Variants in BCAR3 observed in about 807,000 individuals in gnomAD.
The protein encoded by BCAR3 is BCAR3 adaptor protein, NSP family member.
In BCAR3, 37 loss-of-function variants were observed where a neutral mutation model predicts 80.1. That is an observed-to-expected ratio of 0.46 (90% CI 0.36 to 0.61). The LOEUF (loss-of-function observed/expected upper bound fraction) is 0.61, where lower values mean the gene tolerates loss of function less well. Among genes scored for constraint, BCAR3 ranks in the 20% least tolerant of loss-of-function variants. The pLI is 0.00. For synonymous variants in BCAR3, 389 were observed against 418.9 expected (o/e 0.93, Z 0.87); for missense variants, 978 against 1,068.2 (o/e 0.92, Z 1.18).
intron 1 of BCAR3, among the ~76,000 whole-genome samples, chr1:93,675,301 TAA>T (rs1196909384): frequency 2.6e-5 from 4 of 152,230 alleles, no homozygotes; most frequent in African/African-American, 9.6e-5. Flanking sequence ...AACTGTTAGA[TAA>T]TTAGCTCACA....
intron 2 of BCAR3, among the ~76,000 whole-genome samples, chr1:93,647,176 G>A (rs1470088762): frequency 3.3e-5 from 5 of 152,132 alleles, no homozygotes; most frequent in African/African-American, 4.8e-5. Flanking sequence ...GATTTAAAGA[G>A]GTATTTTTGG....
At chr1:93,656,568 C>A (rs987928149) in intron 2 of BCAR3, among the ~76,000 whole-genome samples, 1 of 149,392 alleles carries the variant, frequency 6.7e-6, no homozygotes, top group Admixed American at 6.7e-5. Context: ...TACCATACAT[C>A]GTTATTTTAT....
chr1:93,836,248 A>C (rs1654762830), intron 2 of BCAR3, among the ~76,000 whole-genome samples: 1 of 152,152 alleles, frequency 6.6e-6, no homozygotes, highest in African/African-American at 2.4e-5. Context: ...GCCCAACTTG[A>C]ACTGCATCCC....
chr1:93,665,485 T>G (rs999290147), intron 2 of BCAR3, among the ~76,000 whole-genome samples: 1 of 152,152 alleles, frequency 6.6e-6, no homozygotes, highest in African/African-American at 2.4e-5. Flanking sequence ...CTCGGCCTCC[T>G]CTGCTGACTC....
intron 2 of BCAR3, among the ~76,000 whole-genome samples, chr1:93,839,971 T>C (rs965711833): frequency 6.6e-6 from 1 of 152,184 alleles, no homozygotes; most frequent in African/African-American, 2.4e-5. Flanking sequence ...CAGGTCATGC[T>C]GATACTCCTG....
Position 93,642,255 on chromosome 1 carries a change from A to C in BCAR3, c.357+49T>G, listed in dbSNP as rs779795304. The C allele has an allele frequency of 2.5e-6, 4 of 1,585,420 alleles. No individual in the cohort carries two copies. In the South Asian group the frequency reaches 4.4e-5, roughly 18 times the overall value. The stretch of plus-strand genomic sequence containing the variant: ...TTAGCAACTCTGTGTTCCAAATGGG[A>C]AATCTACTACCCAGGGTCACGGCTA... On this transcript the variant is annotated intron_variant, in intron 3 of 11. Coordinates refer to ENST00000260502, the MANE Select transcript of BCAR3 (RefSeq NM_003567.4).
intron 2 of BCAR3, among the ~76,000 whole-genome samples, chr1:93,644,510 GA>G (rs1309501223): frequency 6.6e-6 from 1 of 152,154 alleles, no homozygotes; most frequent in Non-Finnish European, 1.5e-5. Context: ...TTGATTGACG[GA>G]TGGCTCATGC....
At chr1:93,735,923 G>C (rs1650957157) in intron 2 of BCAR3, among the ~76,000 whole-genome samples, 1 of 152,182 alleles carries the variant, frequency 6.6e-6, no homozygotes, top group Non-Finnish European at 1.5e-5. Flanking sequence ...CCAGAATTGA[G>C]GGTTGTATCT....
intron 3 of BCAR3, among the ~76,000 whole-genome samples, chr1:93,633,189 A>G (rs1008444492): frequency 2.0e-5 from 3 of 152,104 alleles, no homozygotes; most frequent in Non-Finnish European, 2.9e-5. Context: ...TTCCAAATGG[A>G]CATCTCCTTT....
intron 3 of BCAR3, among the ~76,000 whole-genome samples, chr1:93,603,337 G>A (rs1190385841): frequency 6.6e-6 from 1 of 152,204 alleles, no homozygotes; most frequent in Non-Finnish European, 1.5e-5. Context: ...AGCTGTCATG[G>A]ATCTATATAT....
chr1:93,802,781 AC>A (rs1653527922), intron 2 of BCAR3, among the ~76,000 whole-genome samples: 1 of 152,208 alleles, frequency 6.6e-6, no homozygotes, highest in African/African-American at 2.4e-5. Context: ...CTTGTGGCCC[AC>A]CTTCTGAATG....
chr1:93,689,294 C>T (rs1649085409), intron 3 of BCAR3, among the ~76,000 whole-genome samples: 1 of 152,046 alleles, frequency 6.6e-6, no homozygotes, highest in Non-Finnish European at 1.5e-5. Flanking sequence ...CGAGACCAGC[C>T]TGGCCAACAT....
chr1:93,632,374 G>A lies in BCAR3; in HGVS notation c.357+9930C>T, dbSNP rs115836552. The stretch of plus-strand genomic sequence containing the variant: ...TGGTTCCACTGATTTTCAACTTTAC[G>A]ACGGTGCTGAAGTGATATATATTCA... On this transcript the variant is annotated intron_variant, in intron 3 of 11. Transcript: ENST00000260502. Among the ~76,000 whole-genome samples the A allele has an allele frequency of 4.3e-3, 648 of 152,268 alleles. 10 individuals carry two copies. The highest frequency in any genetic ancestry group is 0.014 in the African/African-American group (591 of 41,546).
intron 2 of BCAR3, among the ~76,000 whole-genome samples, chr1:93,728,155 TTTTAAG>T: frequency 6.6e-6 from 1 of 152,358 alleles, no homozygotes; most frequent in African/African-American, 2.4e-5. Flanking sequence ...ATTTCTATTG[TTTTAAG>T]CCATCAAGTT....
intron 3 of BCAR3, chr1:93,614,181 G>T: frequency 8.0e-7 from 1 of 1,248,514 alleles, no homozygotes; most frequent in Non-Finnish European, 1.0e-6. Context: ...TGCACACAGT[G>T]CCAGAAATTC....
chr1:93,761,273 G>A (rs551006774), intron 2 of BCAR3, among the ~76,000 whole-genome samples: 2 of 152,206 alleles, frequency 1.3e-5, no homozygotes, highest in East Asian at 1.9e-4. Context: ...TGACCCCAAC[G>A]TCCTGAGCCA....
chr1:93,612,436 C>G (rs772059481), intron 3 of BCAR3, among the ~76,000 whole-genome samples: 52 of 152,032 alleles, frequency 3.4e-4, no homozygotes, highest in Non-Finnish European at 6.3e-4. Flanking sequence ...TATTATGTAG[C>G]CTTGGGGCCG....
intron 3 of BCAR3, among the ~76,000 whole-genome samples, chr1:93,611,659 T>A (rs922872158): frequency 2.0e-5 from 3 of 152,312 alleles, no homozygotes; most frequent in Non-Finnish European, 2.9e-5. Flanking sequence ...AAGGTCTTTA[T>A]ACACAAGTCC....
At chr1:93,763,348 G>T (rs1652023810) in intron 2 of BCAR3, among the ~76,000 whole-genome samples, 1 of 152,182 alleles carries the variant, frequency 6.6e-6, no homozygotes, top group South Asian at 2.1e-4. Context: ...ATAGACATGA[G>T]CATTGCAGCC....
Sources: gnomAD v4.1 joint callset for allele counts (sites outside exome capture counted in the v4.1 genomes callset) on GRCh38, gnomAD v4.1.1 for gene constraint, MANE v1.5 for transcripts, NCBI Gene and HGNC (gene_info 2026-07-23, HGNC 2026-07-21) for gene names.